The following DPP10 variants were observed in gnomAD, a reference collection of about 807,000 sequenced individuals.
DPP10 encodes the protein dipeptidyl peptidase like 10, also known as inactive dipeptidyl peptidase 10.
In DPP10, 33 loss-of-function variants were observed where a neutral mutation model predicts 120.9. The observed-to-expected ratio is 0.27, with a 90% CI of 0.21 to 0.37. The LOEUF is 0.37. Ranked by LOEUF, DPP10 falls within the 10% of genes least tolerant of loss-of-function variation. The pLI is 1.00. For missense variants in DPP10, 816 were observed against 942.8 expected (o/e 0.87, Z 1.76); for synonymous variants, 337 against 326.1 (o/e 1.03, Z -0.36).
At chr2:115,708,866 A>C (rs567045126) in intron 7 of DPP10, among the ~76,000 whole-genome samples, 12 of 152,256 alleles carry the variant, frequency 7.9e-5, no homozygotes, top group African/African-American at 2.9e-4. Flanking sequence ...ACACCTGGAT[A>C]TGATGAAGAA....
intron 1 of DPP10, among the ~76,000 whole-genome samples, chr2:114,697,343 A>G (rs1700125728): frequency 6.6e-6 from 1 of 152,114 alleles, no homozygotes; most frequent in Non-Finnish European, 1.5e-5. Context: ...CAGACAAGGG[A>G]AAGTTACCAC....
intron 1 of DPP10, among the ~76,000 whole-genome samples, chr2:114,595,767 T>C (rs1349359140): frequency 6.6e-6 from 1 of 152,068 alleles, no homozygotes; most frequent in African/African-American, 2.4e-5. Context: ...GCAGAGACCA[T>C]TGTGGCCTAA....
At chr2:115,378,065 A>G (rs2065958872) in intron 3 of DPP10, among the ~76,000 whole-genome samples, 1 of 152,102 alleles carries the variant, frequency 6.6e-6, no homozygotes, top group Non-Finnish European at 1.5e-5. Context: ...TGAACTTTAA[A>G]GTAGTTTTTT....
intron 1 of DPP10, among the ~76,000 whole-genome samples, chr2:114,566,192 T>G (rs1689188483): frequency 1.3e-5 from 2 of 152,034 alleles, no homozygotes; most frequent in Admixed American, 1.3e-4. Context: ...GACAATTCAC[T>G]GAGCAAACCA....
chr2:115,594,959 C>T (rs2082899929), intron 5 of DPP10, among the ~76,000 whole-genome samples: 2 of 151,992 alleles, frequency 1.3e-5, no homozygotes, highest in Non-Finnish European at 2.9e-5. Flanking sequence ...TAAAGTTAAA[C>T]ATTATTTTAT....
intron 3 of DPP10, among the ~76,000 whole-genome samples, chr2:115,376,695 TC>T (rs1175006081): frequency 7.4e-6 from 1 of 134,836 alleles, no homozygotes; most frequent in African/African-American, 2.7e-5. Flanking sequence ...ATGCTATCCA[TC>T]CCCCCTCCCC....
chr2:114,449,014 GT>G (rs1678103718), intron 1 of DPP10, among the ~76,000 whole-genome samples: 1 of 152,180 alleles, frequency 6.6e-6, no homozygotes, highest in Admixed American at 6.6e-5. Context: ...TCTCAAAGAA[GT>G]ATACTGACAT....
intron 1 of DPP10, among the ~76,000 whole-genome samples, chr2:114,878,052 CA>C (rs908501925): frequency 5.3e-5 from 8 of 151,234 alleles, no homozygotes; most frequent in African/African-American, 1.7e-4. Flanking sequence ...ATGACATTAC[CA>C]AAAAAAACTT....
chr2:115,594,636 C>T (rs2082880491), intron 5 of DPP10, among the ~76,000 whole-genome samples: 2 of 152,216 alleles, frequency 1.3e-5, no homozygotes, highest in African/African-American at 2.4e-5. Flanking sequence ...TTAACAGAAA[C>T]CTGCTTTCAA....
chr2:115,100,640 G>A (rs1053986273), intron 1 of DPP10, among the ~76,000 whole-genome samples: 8 of 151,924 alleles, frequency 5.3e-5, no homozygotes, highest in Non-Finnish European at 1.0e-4. Flanking sequence ...CCAAAGTGGC[G>A]GTAACTAAGA....
At chr2:115,110,247 A>G (rs1353342598) in intron 1 of DPP10, among the ~76,000 whole-genome samples, 1 of 152,218 alleles carries the variant, frequency 6.6e-6, no homozygotes, top group Non-Finnish European at 1.5e-5. Context: ...CTGGGTTTGG[A>G]AGTAAGAAAA....
chr2:115,326,158 G>T (rs2062353239), intron 2 of DPP10, among the ~76,000 whole-genome samples: 1 of 152,082 alleles, frequency 6.6e-6, no homozygotes, highest in Non-Finnish European at 1.5e-5. Flanking sequence ...TCTTCCAAAT[G>T]TCAGTGGAGT....
intron 1 of DPP10, among the ~76,000 whole-genome samples, chr2:114,784,329 C>T (rs1391875044): frequency 6.6e-6 from 1 of 152,086 alleles, no homozygotes; most frequent in East Asian, 1.9e-4. Context: ...AGCATCTGTC[C>T]TCAATGCCTT....
At chr2:115,269,175 C>T (rs558500461) in intron 1 of DPP10, among the ~76,000 whole-genome samples, 67 of 152,054 alleles carry the variant, frequency 4.4e-4, no homozygotes, top group African/African-American at 1.5e-3. Flanking sequence ...AACAGAAGCT[C>T]AATAAGTGTT....
intron 1 of DPP10, among the ~76,000 whole-genome samples, chr2:114,581,938 A>G (rs1008246256): frequency 3.8e-4 from 58 of 152,254 alleles, no homozygotes; most frequent in African/African-American, 1.2e-3. Context: ...ACTTATTCCA[A>G]TTGATGAACC....
At chr2:114,692,503 T>A (rs1182545343) in intron 1 of DPP10, among the ~76,000 whole-genome samples, 2 of 151,894 alleles carry the variant, frequency 1.3e-5, no homozygotes, top group African/African-American at 4.8e-5. Context: ...TTACTTCTGA[T>A]TATGTGATCA....
chr2:115,830,227 G>A (rs1036466294), intron 21 of DPP10, among the ~76,000 whole-genome samples: 1 of 151,662 alleles, frequency 6.6e-6, no homozygotes, highest in South Asian at 2.1e-4. Context: ...GTGTGGTGGC[G>A]AGTGTCTGTA....
intron 3 of DPP10, among the ~76,000 whole-genome samples, chr2:115,474,935 C>T (rs1178518243): frequency 2.0e-5 from 3 of 152,200 alleles, no homozygotes; most frequent in African/African-American, 7.2e-5. Flanking sequence ...CCCAGGGCCC[C>T]ACTGCCCTGT....
chr2:114,825,906 G>A (rs561631956), intron 1 of DPP10, among the ~76,000 whole-genome samples: 9 of 152,138 alleles, frequency 5.9e-5, no homozygotes, highest in South Asian at 2.1e-4. Context: ...ATGGTGTAAC[G>A]AAGAAATTAT....
Sources: gnomAD v4.1 joint callset for allele counts (sites outside exome capture counted in the v4.1 genomes callset) on GRCh38, gnomAD v4.1.1 for gene constraint, MANE v1.5 for transcripts, NCBI Gene and HGNC (gene_info 2026-07-23, HGNC 2026-07-21) for gene names.